The following SLC25A48 variants were observed in gnomAD, a reference collection of about 807,000 sequenced individuals.
The protein encoded by SLC25A48 is CTC-321K16.1.
A neutral mutation model predicts 32.2 loss-of-function variants in SLC25A48; 29 were observed. That is an observed-to-expected ratio of 0.90 (90% CI 0.67 to 1.23). The LOEUF (loss-of-function observed/expected upper bound fraction) is 1.23. SLC25A48 is among the 50% of genes most tolerant of loss of function. SLC25A48 has a pLI of 0.00. For missense variants in SLC25A48, 399 were observed against 422.7 expected, an observed-to-expected ratio of 0.94 and a Z score of 0.49; for synonymous variants, 164 against 172.3, an observed-to-expected ratio of 0.95 and a Z score of 0.38.
At chr5:135,741,868 G>C (rs1755508235) in intron 3 of SLC25A48, among the ~76,000 whole-genome samples, 1 of 152,168 alleles carries the variant, frequency 6.6e-6, no homozygotes, top group Admixed American at 6.5e-5. Flanking sequence ...ACAAAAAGGG[G>C]TTAATAAGGA....
chr5:135,593,363 G>A (rs1011028880), intron 1 of SLC25A48, among the ~76,000 whole-genome samples: 3 of 152,188 alleles, frequency 2.0e-5, no homozygotes, highest in African/African-American at 7.2e-5. Flanking sequence ...TCTGTGCTGT[G>A]ACCCACAGTC....
chr5:135,711,842 C>T (rs890676365), intron 3 of SLC25A48, among the ~76,000 whole-genome samples: 4 of 152,050 alleles, frequency 2.6e-5, no homozygotes, highest in Non-Finnish European at 5.9e-5. Context: ...ATCCCTCTTC[C>T]TAAGGGCCAC....
At chr5:135,775,561 G>A (rs1481718271) in intron 3 of SLC25A48, among the ~76,000 whole-genome samples, 1 of 151,520 alleles carries the variant, frequency 6.6e-6, no homozygotes, top group Non-Finnish European at 1.5e-5. Flanking sequence ...ATGTGATATT[G>A]TTCCTAATAT....
In SLC25A48 at chr5:135,781,916, A is replaced by T. The variant is rs1756723664; in HGVS notation, c.-520-30607A>T. Among the ~76,000 whole-genome samples, 2 of 112,644 alleles carry T rather than the reference A, an allele frequency of 1.8e-5. 1 individual carries two copies. The highest frequency in any genetic ancestry group is 5.3e-5 in the African/African-American group (2 of 37,510). The allele number at this position is 112,644 out of a possible 152,430, so 73.9% of individuals were successfully genotyped here. A position where few individuals can be genotyped will look rare whatever the true frequency, so the allele number is the denominator to read the frequency against. On this transcript the variant is annotated intron_variant, in intron 3 of 10. Coordinates refer to the SLC25A48 transcript ENST00000646290. ...CCATGTGATATTGTTCCTAATAATC[A>T]GTGGTTGGGGGGAGGGGTGGAGGAG... is the stretch of plus-strand genomic sequence containing the variant.
intron 2 of SLC25A48, among the ~76,000 whole-genome samples, chr5:135,631,641 C>T (rs1225702801): frequency 1.3e-5 from 2 of 152,214 alleles, no homozygotes; most frequent in Non-Finnish European, 2.9e-5. Flanking sequence ...CCTTTTGTCT[C>T]CCCGGATCAG....
chr5:135,820,650 T>C (rs776590137), intron 4 of SLC25A48, among the ~76,000 whole-genome samples: 11 of 152,204 alleles, frequency 7.2e-5, no homozygotes. Context: ...ATGGACAAGT[T>C]TGCAATAGCT....
intron 1 of SLC25A48, among the ~76,000 whole-genome samples, chr5:135,625,436 G>T (rs941350551): frequency 7.2e-5 from 11 of 152,256 alleles, no homozygotes; most frequent in South Asian, 4.2e-4. Flanking sequence ...TCACTGAGAG[G>T]TGAACTTGTT....
intron 1 of SLC25A48, among the ~76,000 whole-genome samples, chr5:135,615,713 T>C (rs1752170644): frequency 6.6e-6 from 1 of 152,222 alleles, no homozygotes; most frequent in African/African-American, 2.4e-5. Context: ...TAACTGAAGT[T>C]TGCATAACTG....
chr5:135,830,292 T>A (rs755618334), upstream of SLC25A48, among the ~76,000 whole-genome samples: 4 of 152,204 alleles, frequency 2.6e-5, no homozygotes, highest in African/African-American at 4.8e-5. Context: ...TCCTGGCGCA[T>A]CTTGATGAGA....
intron 2 of SLC25A48, among the ~76,000 whole-genome samples, chr5:135,843,965 A>G (rs1759213153): frequency 6.6e-6 from 1 of 152,144 alleles, no homozygotes; most frequent in Admixed American, 6.5e-5. Context: ...TCATGTCTGA[A>G]GTGGACTTAC....
At chr5:135,763,892 G>A (rs1006257227) in intron 3 of SLC25A48, among the ~76,000 whole-genome samples, 1 of 151,892 alleles carries the variant, frequency 6.6e-6, no homozygotes, top group Non-Finnish European at 1.5e-5. Flanking sequence ...TTATTTTTTT[G>A]AGACAGATTC....
intron 3 of SLC25A48, among the ~76,000 whole-genome samples, chr5:135,691,824 C>T (rs1046655381): frequency 6.6e-6 from 1 of 152,132 alleles, no homozygotes; most frequent in African/African-American, 2.4e-5. Flanking sequence ...TAGATGAGTG[C>T]TGAGCATGGG....
At chr5:135,623,560 C>T (rs969848620) in intron 1 of SLC25A48, among the ~76,000 whole-genome samples, 1 of 152,212 alleles carries the variant, frequency 6.6e-6, no homozygotes, top group Non-Finnish European at 1.5e-5. Flanking sequence ...GAAGGCTCCA[C>T]CTGACCTCAG....
At chr5:135,785,556 G>C (rs746244324) in intron 3 of SLC25A48, among the ~76,000 whole-genome samples, 24 of 151,172 alleles carry the variant, frequency 1.6e-4, no homozygotes, top group Admixed American at 5.3e-4. Context: ...TAATATCCAG[G>C]GGGGGAGAGG....
At chr5:135,758,928 A>G (rs982747655) in intron 3 of SLC25A48, among the ~76,000 whole-genome samples, 3 of 151,096 alleles carry the variant, frequency 2.0e-5, no homozygotes, top group Non-Finnish European at 1.5e-5. Context: ...AAGTGTTAAC[A>G]CATTATGATA....
chr5:135,632,009 C>T (rs143603439), intron 2 of SLC25A48, among the ~76,000 whole-genome samples: 2 of 152,286 alleles, frequency 1.3e-5, no homozygotes, highest in African/African-American at 2.4e-5. Flanking sequence ...TCTTCAGAGC[C>T]CCTCTACCTA....
intron 3 of SLC25A48, among the ~76,000 whole-genome samples, chr5:135,743,712 C>T (rs2127002608): frequency 6.6e-6 from 1 of 152,356 alleles, no homozygotes; most frequent in African/African-American, 2.4e-5. Context: ...TACTTCCCAA[C>T]CTTGGATCAA....
chr5:135,826,420 T>C (rs80218516), intron 4 of SLC25A48: 1 of 152,266 alleles, frequency 6.6e-6, no homozygotes, highest in African/African-American at 2.4e-5. Flanking sequence ...TGGAGAGAAG[T>C]GTCCATCTTG....
chr5:135,734,667 A>G (rs1016357658), intron 3 of SLC25A48, among the ~76,000 whole-genome samples: 4 of 151,972 alleles, frequency 2.6e-5, no homozygotes, highest in African/African-American at 9.7e-5. Flanking sequence ...TACAAAAAAA[A>G]TTAGCCGGGC....
Sources: allele counts gnomAD v4.1 joint callset (sites outside exome capture counted in the v4.1 genomes callset), GRCh38; gene constraint gnomAD v4.1.1; transcripts MANE v1.5; gene names NCBI Gene and HGNC (gene_info 2026-07-23, HGNC 2026-07-21).